The following ACOX3 variants were observed in gnomAD, a reference collection of about 807,000 sequenced individuals.
The protein encoded by ACOX3 is peroxisomal acyl-coenzyme A oxidase 3.
A neutral mutation model predicts 81.5 loss-of-function variants in ACOX3; 73 were observed. The observed-to-expected ratio is 0.90, with a 90% CI of 0.74 to 1.09. The LOEUF is 1.09. Ranked by LOEUF, ACOX3 falls within the 50% of genes least tolerant of loss-of-function variation. The pLI, the probability that ACOX3 is intolerant of heterozygous loss-of-function variation, is 0.00. For synonymous variants in ACOX3, 387 were observed against 375.1 expected (o/e 1.03, Z -0.37); for missense variants, 947 against 928.0 (o/e 1.02, Z -0.27).
the ACOX3 span, among the ~76,000 whole-genome samples, chr4:8,359,149 C>A: frequency 1.3e-5 from 2 of 152,132 alleles, no homozygotes; most frequent in African/African-American, 4.8e-5. This position sits in a 1 kb window ranked among gnomAD's most constrained non-coding sequence, Gnocchi z 6.0. Context: ...CAAAGAGTAA[C>A]TTTGGGTAAG....
At chr4:8,365,747 G>A (rs1280450595), downstream of ACOX3, among the ~76,000 whole-genome samples, 1 of 143,918 alleles carries the variant, frequency 6.9e-6, no homozygotes, top group Non-Finnish European at 1.5e-5. Context: ...CGGGTGGGAT[G>A]TGGTGGGGGG....
chr4:8,389,355 G>T lies in ACOX3; in HGVS notation c.1424-69C>A, dbSNP rs905329895. 1.3e-6 allele frequency: 2 copies of T among 1,489,572 alleles called. No individual in the cohort carries two copies. The highest frequency in any genetic ancestry group is 1.8e-6 in the Non-Finnish European group (2 of 1,088,468). 92.3% of individuals were successfully genotyped at this position (1,489,572 alleles called of 1,614,324 possible). On this transcript the variant is annotated intron_variant, in intron 12 of 17. Transcript: ENST00000356406. The surrounding 1 kb of genome is among the most constrained non-coding windows in gnomAD (Gnocchi z 5.3). ...AAACCATTGGGAACCCCAAGCTGGG[G>T]GCACCCCAAAGCACAGAGAGTGTCC...
At chr4:8,397,148 A>G (rs748189244) in intron 8 of ACOX3, 29 bp from the exon 9 acceptor site, 2 of 1,511,722 alleles carry the variant, frequency 1.3e-6, no homozygotes, top group South Asian at 2.6e-5. Context: ...TGATAAGCTC[A>G]AGCCCGGCTG....
intron 5 of ACOX3, among the ~76,000 whole-genome samples, chr4:8,413,702 G>A (rs1578965533): frequency 7.7e-6 from 1 of 130,270 alleles, no homozygotes; most frequent in Non-Finnish European, 1.6e-5. Context: ...ACTGCACCCC[G>A]TGCCCCTCCA....
intron 6 of ACOX3, among the ~76,000 whole-genome samples, chr4:8,409,607 T>TACTGTGGGTGGGGCTGTCTGTGC (rs1721458387): frequency 1.3e-5 from 1 of 77,534 alleles, no homozygotes; most frequent in East Asian, 4.7e-4. Context: ...GGGCTATCTG[T>TACTGTGGGTGGGGCTGTCTGTGC]ACTGTGGGTG....
intron 13 of ACOX3, among the ~76,000 whole-genome samples, chr4:8,388,098 G>T (rs567820010): frequency 6.6e-6 from 1 of 152,364 alleles, no homozygotes; most frequent in South Asian, 2.1e-4. Flanking sequence ...AGCTCGGCAT[G>T]GGCTGGGCCC....
intron 1 of ACOX3, among the ~76,000 whole-genome samples, 172 bp downstream of exon 1, chr4:8,440,476 A>G (rs958453840): frequency 4.6e-5 from 7 of 152,252 alleles, no homozygotes; most frequent in Admixed American, 2.0e-4. Context: ...GTTAGCTTTC[A>G]TAAGAGGACT....
rs1021563217 is a variant in ACOX3 at position 8,375,001 on chromosome 4, C to T, written c.1805G>A (p.Arg602His). Residue 602 changes from arginine to histidine, a missense_variant, in exon 15 of 18, where the codon CGC becomes CAC. Arg to His is a conservative substitution (Grantham distance 29). Transcript: ENST00000356406. ...SALYALWSLS[R>H]HAALLYRGGY... Reference sequence around the variant, plus strand: ...ACCTCGGTAGAGCAGGGCCGCGTGGCGGCTCAGGGACCACAGGGCGTACAG... The same window carrying T: ...ACCTCGGTAGAGCAGGGCCGCGTGGTGGCTCAGGGACCACAGGGCGTACAG... 13 of 1,532,650 alleles carry T rather than the reference C, an allele frequency of 8.5e-6. No individual in the cohort carries two copies. Among genetic ancestry groups the T allele is most frequent in the African/African-American group, 8.2e-5 (6 of 73,024 alleles). The allele number at this position is 1,532,650 out of a possible 1,614,324, so 94.9% of individuals were successfully genotyped here. A position where few individuals can be genotyped will look rare whatever the true frequency, so the allele number is the denominator to read the frequency against.
In ACOX3 at chr4:8,414,201, G is replaced by GTT. The variant is rs371627136; in HGVS notation, c.543+89_543+90dup. On this transcript the variant is annotated intron_variant, in intron 5 of 17. Coordinates refer to ENST00000356406, the MANE Select transcript of ACOX3 (RefSeq NM_003501.3). The surrounding 1 kb of genome is among the most constrained non-coding windows in gnomAD (Gnocchi z 6.1). ...ATGTGGACAGGCCTCTTGCTTTAAT[G>GTT]TTTTTTTTTTCTTATTCTGGGCAAC... 3.2e-3 allele frequency: 3,215 copies of GTT among 1,009,246 alleles called. 9 individuals are homozygous for GTT. The highest frequency in any genetic ancestry group is 0.016 in the South Asian group (1,037 of 66,492). 62.5% of individuals were successfully genotyped at this position (1,009,246 alleles called of 1,614,324 possible). A position where few individuals can be genotyped will look rare whatever the true frequency, so the allele number is the denominator to read the frequency against.
the ACOX3 span, chr4:8,355,732 A>C: frequency 1.2e-4 from 19 of 152,172 alleles, no homozygotes; most frequent in African/African-American, 4.6e-4. Context: ...AAAGGAAAAA[A>C]ATACAGTTAA....
chr4:8,423,196 T>C lies in ACOX3; in HGVS notation c.-14-6661A>G, dbSNP rs1039524700. On this transcript the variant is annotated intron_variant, in intron 1 of 17. Transcript: ENST00000356406. This position sits in a 1 kb window ranked among gnomAD's most constrained non-coding sequence, Gnocchi z 4.2. ...CTAGATACTTCTCCCAGCCACTAAG[T>C]TGTGACTGGGGAACTTCATTCTTTT... Among the ~76,000 whole-genome samples, 15 of 152,166 alleles carry C rather than the reference T, an allele frequency of 9.9e-5. No individual in the cohort carries two copies. The highest frequency in any genetic ancestry group is 2.7e-4 in the African/African-American group (11 of 41,444).
At chr4:8,361,194 T>C in the ACOX3 span, among the ~76,000 whole-genome samples, 2 of 151,274 alleles carry the variant, frequency 1.3e-5, no homozygotes, top group Non-Finnish European at 1.5e-5. Flanking sequence ...GAGGCCGAGG[T>C]GGGCGGATCA....
chr4:8,389,635 C>T lies in ACOX3; in HGVS notation c.1400G>A (p.Gly467Asp), dbSNP rs766688949. The T allele has an allele frequency of 6.7e-5, 108 of 1,613,892 alleles. No homozygotes were observed. Among genetic ancestry groups the T allele is most frequent in the Non-Finnish European group, 8.1e-5 (96 of 1,180,038 alleles). Residue 467 changes from glycine to aspartate, a missense_variant, in exon 12 of 18, where the codon GGT becomes GAT. Physicochemically the swap from Gly to Asp is moderately conservative, Grantham distance 94. Coordinates refer to ENST00000356406, the MANE Select transcript of ACOX3 (RefSeq NM_003501.3). This position sits in a 1 kb window ranked among gnomAD's most constrained non-coding sequence, Gnocchi z 5.3. ...LLQQTSNYLL[G>D]LLAHQVHDGA... ...ACCGTGGACCTGGTGTGCCAGGAGACCCAGCAAATAGTTGCTTGTCTGCTG... is the reference window on the plus strand; with the variant it reads ...ACCGTGGACCTGGTGTGCCAGGAGATCCAGCAAATAGTTGCTTGTCTGCTG...
At chr4:8,408,903 GTGGGGGGGGGGT>G (rs1560193649) in intron 6 of ACOX3, among the ~76,000 whole-genome samples, 49 of 37,192 alleles carry the variant, frequency 1.3e-3, no homozygotes, top group Admixed American at 3.4e-3. Flanking sequence ...GGGGGGGGGG[GTGGGGGGGGGGT>G]GGGGGCGGTC....
intron 16 of ACOX3, among the ~76,000 whole-genome samples, chr4:8,373,116 A>G (rs563303075): frequency 6.9e-4 from 105 of 152,282 alleles, no homozygotes; most frequent in African/African-American, 2.0e-3. Flanking sequence ...AACAAATTTA[A>G]ATTGGAGGCT....
At chr4:8,396,065 C>T (rs1038509726) in intron 9 of ACOX3, among the ~76,000 whole-genome samples, 1 of 152,236 alleles carries the variant, frequency 6.6e-6, no homozygotes, top group African/African-American at 2.4e-5. Flanking sequence ...CATCCCCCTT[C>T]CATGTAACAA....
At position 8,382,769 on chromosome 4, in the gene ACOX3, G is replaced by C. The variant is rs1006296139; in HGVS notation, c.1538-1162C>G. Among the ~76,000 whole-genome samples the C allele has an allele frequency of 1.3e-5, 2 of 152,046 alleles. No individual in the cohort carries two copies. The highest frequency in any genetic ancestry group is 4.8e-5 in the African/African-American group (2 of 41,418). On this transcript the variant is annotated intron_variant, in intron 13 of 17. Coordinates refer to ENST00000356406, the MANE Select transcript of ACOX3 (RefSeq NM_003501.3). This position sits in a 1 kb window ranked among gnomAD's most constrained non-coding sequence, Gnocchi z 4.1. Reference sequence around the variant, plus strand: ...GCACTTTGGGAGGCAGAGGCGGGCGGATCACGAGGTCAGGAGATCGAGACC... The same window carrying C: ...GCACTTTGGGAGGCAGAGGCGGGCGCATCACGAGGTCAGGAGATCGAGACC...
Position 8,366,837 on chromosome 4 carries a change from G to C in ACOX3, c.*124C>G. 7.2e-7 allele frequency: 1 copy of C among 1,395,578 alleles called. No homozygotes were observed. The highest frequency in any genetic ancestry group is 2.4e-5 in the East Asian group (1 of 42,192). 86.4% of individuals were successfully genotyped at this position (1,395,578 alleles called of 1,614,324 possible). A position where few individuals can be genotyped will look rare whatever the true frequency, so the allele number is the denominator to read the frequency against. On this transcript the variant is annotated 3_prime_UTR_variant, in exon 18 of 18. Transcript: ENST00000356406. ...CAGTTGAGGCCAATCAGCAGTTTAGGCGCACAGGTGCGGGCTCAGAAAGCA... is the reference window on the plus strand; with the variant it reads ...CAGTTGAGGCCAATCAGCAGTTTAGCCGCACAGGTGCGGGCTCAGAAAGCA...
intron 15 of ACOX3, chr4:8,374,122 G>A (rs1716621478): frequency 5.4e-6 from 1 of 184,386 alleles, no homozygotes; most frequent in Non-Finnish European, 1.1e-5. Context: ...ACCTCCAGCC[G>A]CTGTGGTTTC....
Sources: allele counts gnomAD v4.1 joint callset (sites outside exome capture counted in the v4.1 genomes callset), GRCh38; gene constraint gnomAD v4.1.1; non-coding constraint Gnocchi (gnomAD v3.1); transcripts MANE v1.5; gene names NCBI Gene and HGNC (gene_info 2026-07-23, HGNC 2026-07-21).